Variants in SLC44A5 observed in about 807,000 individuals in gnomAD.
SLC44A5 encodes choline transporter-like protein 5.
A neutral mutation model predicts 101.8 loss-of-function variants in SLC44A5; 57 were observed. The observed-to-expected ratio is 0.56, with a 90% CI of 0.45 to 0.70. The LOEUF is 0.70. Among genes scored for constraint, SLC44A5 ranks in the 30% least tolerant of loss-of-function variants. The pLI is 0.00. For synonymous variants in SLC44A5, 281 were observed against 290.9 expected (o/e 0.97, Z 0.35); for missense variants, 737 against 853.1 (o/e 0.86, Z 1.70).
chr1:75,576,777 G>A (rs1339277926), intron 1 of SLC44A5, among the ~76,000 whole-genome samples: 2 of 152,040 alleles, frequency 1.3e-5, no homozygotes, highest in Admixed American at 6.6e-5. Flanking sequence ...TTAGAAGCAG[G>A]GGCTGTGATG....
At chr1:75,363,360 T>C (rs534747832) in intron 3 of SLC44A5, among the ~76,000 whole-genome samples, 221 of 152,226 alleles carry the variant, frequency 1.5e-3, no homozygotes, top group Non-Finnish European at 2.7e-3. Flanking sequence ...GGTTGTTTTG[T>C]AGATTCTTTG....
intron 6 of SLC44A5, among the ~76,000 whole-genome samples, chr1:75,254,342 C>T (rs568152771): frequency 1.3e-5 from 2 of 152,204 alleles, no homozygotes; most frequent in Non-Finnish European, 2.9e-5. Context: ...CCCGGCCAGA[C>T]CTCAGATTTT....
rs1553181287 is a variant in SLC44A5 at position 75,444,483 on chromosome 1, G to GAAAGAAAGAAAGAAAGAAAGA, written c.14-47863_14-47862insTCTTTCTTTCTTTCTTTCTTT. 9.7e-4 allele frequency among the ~76,000 whole-genome samples: 137 copies of GAAAGAAAGAAAGAAAGAAAGA among 140,728 alleles called. 2 individuals are homozygous for GAAAGAAAGAAAGAAAGAAAGA. Among genetic ancestry groups the GAAAGAAAGAAAGAAAGAAAGA allele is most frequent in the African/African-American group, 3.3e-3 (126 of 37,796 alleles). 92.3% of individuals were successfully genotyped at this position (140,728 alleles called of 152,430 possible). A position where few individuals can be genotyped will look rare whatever the true frequency, so the allele number is the denominator to read the frequency against. On this transcript the variant is annotated intron_variant, in intron 2 of 23. Coordinates refer to ENST00000370859, the MANE Select transcript of SLC44A5 (RefSeq NM_001130058.2). ...AAAGAAAAAAAGAAAGAGAAAGAAA[G>GAAAGAAAGAAAGAAAGAAAGA]AAGAAAGAAAGAAAGAAAGAAAGAA...
chr1:75,399,784 A>G (rs1212395377), intron 2 of SLC44A5, among the ~76,000 whole-genome samples: 1 of 152,252 alleles, frequency 6.6e-6, no homozygotes, highest in East Asian at 1.9e-4. Context: ...TTATTTAGTT[A>G]AATTTTACTT....
chr1:75,541,021 G>A (rs1354668328), intron 2 of SLC44A5, among the ~76,000 whole-genome samples: 2 of 152,144 alleles, frequency 1.3e-5, no homozygotes, highest in Admixed American at 6.5e-5. Flanking sequence ...CGAGAAAGGG[G>A]GCTAAACAAT....
At chr1:75,505,287 T>C (rs1293152872) in intron 2 of SLC44A5, among the ~76,000 whole-genome samples, 2 of 152,168 alleles carry the variant, frequency 1.3e-5, no homozygotes, top group Non-Finnish European at 2.9e-5. Flanking sequence ...TTTGATTCCA[T>C]GTCTTTGCTA....
chr1:75,326,526 G>A (rs1321356751), intron 4 of SLC44A5, among the ~76,000 whole-genome samples: 1 of 152,054 alleles, frequency 6.6e-6, no homozygotes, highest in Non-Finnish European at 1.5e-5. Context: ...TAAGGTTAAG[G>A]AAGTAGACAT....
At chr1:75,368,651 A>ACG (rs1351452457) in intron 3 of SLC44A5, among the ~76,000 whole-genome samples, 9 of 149,458 alleles carry the variant, frequency 6.0e-5, no homozygotes, top group Non-Finnish European at 1.3e-4. Context: ...ATGCACACAC[A>ACG]CACACACACA....
chr1:75,285,019 C>T (rs1570573848), intron 5 of SLC44A5, among the ~76,000 whole-genome samples: 2 of 152,032 alleles, frequency 1.3e-5, no homozygotes, highest in East Asian at 1.9e-4. Context: ...GTGATACTGG[C>T]TTCATAAAAC....
At chr1:75,313,309 G>T (rs1168973194) in intron 4 of SLC44A5, among the ~76,000 whole-genome samples, 1 of 152,180 alleles carries the variant, frequency 6.6e-6, no homozygotes, top group Non-Finnish European at 1.5e-5. Flanking sequence ...AGAAACGATG[G>T]TTATGGATCA....
At chr1:75,219,380 G>A (rs756403571) in intron 15 of SLC44A5, 36 bp from the exon 16 acceptor site, 3 of 1,414,362 alleles carry the variant, frequency 2.1e-6, no homozygotes, top group Non-Finnish European at 2.0e-6. Flanking sequence ...CCATTTGCTG[G>A]TAGATTGAAA....
At chr1:75,430,461 C>G (rs781079300) in intron 2 of SLC44A5, among the ~76,000 whole-genome samples, 1 of 152,162 alleles carries the variant, frequency 6.6e-6, no homozygotes, top group Non-Finnish European at 1.5e-5. Flanking sequence ...CAATCATGTA[C>G]AATAGCATTT....
chr1:75,315,495 C>T (rs1436769846), intron 4 of SLC44A5, among the ~76,000 whole-genome samples: 5 of 152,068 alleles, frequency 3.3e-5, no homozygotes, highest in African/African-American at 9.7e-5. Context: ...GTAATCATCC[C>T]GTCTGGTCTT....
At chr1:75,582,356 G>A in intron 1 of SLC44A5, 1 of 1,105,364 alleles carries the variant, frequency 9.0e-7, no homozygotes, top group Non-Finnish European at 1.3e-6. Context: ...GATCCCAAAG[G>A]GTGTCAGCCA....
intron 2 of SLC44A5, among the ~76,000 whole-genome samples, chr1:75,436,585 C>A (rs1664903887): frequency 1.3e-5 from 2 of 152,024 alleles, no homozygotes; most frequent in Non-Finnish European, 2.9e-5. Flanking sequence ...AATGTGAAGG[C>A]CTAGGACATT....
intron 2 of SLC44A5, among the ~76,000 whole-genome samples, chr1:75,456,890 T>C (rs1425089454): frequency 6.6e-6 from 1 of 152,172 alleles, no homozygotes; most frequent in Non-Finnish European, 1.5e-5. Context: ...CTTCTCCAAA[T>C]AAAGCAGAGA....
intron 3 of SLC44A5, among the ~76,000 whole-genome samples, chr1:75,394,049 C>T (rs543050936): frequency 1.3e-5 from 2 of 152,198 alleles, no homozygotes; most frequent in East Asian, 3.9e-4. Context: ...ATACAATTAC[C>T]TAGAAAAGTC....
At chr1:75,679,273 T>C in the SLC44A5 span, among the ~76,000 whole-genome samples, 4 of 152,080 alleles carry the variant, frequency 2.6e-5, no homozygotes, top group Non-Finnish European at 4.4e-5. Context: ...GCCACAAAGA[T>C]ACTCCTCGAG....
chr1:75,416,990 A>G (rs547555186), intron 2 of SLC44A5, among the ~76,000 whole-genome samples: 1 of 152,234 alleles, frequency 6.6e-6, no homozygotes, highest in African/African-American at 2.4e-5. Context: ...GGACTGTGGA[A>G]CTTTTGAGTT....
Sources: gnomAD v4.1 joint callset for allele counts (sites outside exome capture counted in the v4.1 genomes callset) on GRCh38, gnomAD v4.1.1 for gene constraint, MANE v1.5 for transcripts, NCBI Gene and HGNC (gene_info 2026-07-23, HGNC 2026-07-21) for gene names.